GPR63: variants seen among roughly 807,000 people sequenced by gnomAD.
The protein encoded by GPR63 is G protein-coupled receptor 63, also known as probable G protein-coupled receptor 63.
In GPR63, 12 loss-of-function variants were observed where a neutral mutation model predicts 23.1. The observed-to-expected ratio is 0.52, with a 90% confidence interval of 0.33 to 0.84. GPR63 has a LOEUF of 0.84. Ranked by LOEUF, GPR63 falls within the 40% of genes least tolerant of loss-of-function variation. The pLI, the probability that GPR63 is intolerant of heterozygous loss-of-function variation, is 0.02. For missense variants in GPR63, 472 were observed against 515.6 expected (o/e 0.92, Z 0.82); for synonymous variants, 172 against 191.1 (o/e 0.90, Z 0.82).
chr6:96,825,796 CTTTTTTT>C (rs929565134), intron 1 of GPR63, among the ~76,000 whole-genome samples: 1 of 150,952 alleles, frequency 6.6e-6, no homozygotes, highest in South Asian at 2.1e-4. Context: ...TTACCTTAGT[CTTTTTTT>C]TTATTTATTC....
intron 1 of GPR63, among the ~76,000 whole-genome samples, chr6:96,831,445 A>C (rs1471579679): frequency 6.6e-6 from 1 of 152,190 alleles, no homozygotes; most frequent in Non-Finnish European, 1.5e-5. Flanking sequence ...AAAAAAAAAA[A>C]AAACTGTAGA....
At chr6:96,818,522 A>C (rs1010989501) in intron 1 of GPR63, among the ~76,000 whole-genome samples, 4 of 152,214 alleles carry the variant, frequency 2.6e-5, no homozygotes, top group Non-Finnish European at 5.9e-5. Flanking sequence ...CCTAAGGTTT[A>C]CATTTAAAAA....
chr6:96,819,759 G>C (rs1335694211), intron 1 of GPR63, among the ~76,000 whole-genome samples: 1 of 149,538 alleles, frequency 6.7e-6, no homozygotes, highest in East Asian at 2.0e-4. Flanking sequence ...AAAACGGGTA[G>C]ATCACGAGGT....
At chr6:96,825,712 T>C (rs1319267744) in intron 1 of GPR63, among the ~76,000 whole-genome samples, 1 of 152,016 alleles carries the variant, frequency 6.6e-6, no homozygotes, top group Non-Finnish European at 1.5e-5. Flanking sequence ...AGCTTAATTT[T>C]ATGACATGGA....
chr6:96,803,587 A>G (rs1773825242), intron 1 of GPR63, among the ~76,000 whole-genome samples: 1 of 152,192 alleles, frequency 6.6e-6, no homozygotes, highest in Admixed American at 6.6e-5. Flanking sequence ...GCTCATTGGA[A>G]TGTAAATATT....
chr6:96,836,777 T>C lies in GPR63; in HGVS notation c.-151+491A>G, dbSNP rs368456104. 3.0e-4 allele frequency among the ~76,000 whole-genome samples: 45 copies of C among 152,190 alleles called. No homozygotes were observed. In the East Asian group the frequency reaches 8.2e-3, roughly 28 times the overall value. On this transcript the variant is annotated intron_variant, in intron 1 of 1. Coordinates refer to ENST00000229955, the MANE Select transcript of GPR63 (RefSeq NM_030784.4). ...TGGAAGAGGGAACCTCTCTTAACTG[T>C]TGGAGCGCGAAAGGACCTTTCGCTC...
intron 1 of GPR63, among the ~76,000 whole-genome samples, chr6:96,815,587 C>T (rs1323531544): frequency 6.6e-6 from 1 of 152,124 alleles, no homozygotes; most frequent in African/African-American, 2.4e-5. Flanking sequence ...CTTACAAGAA[C>T]ACACACATAC....
intron 1 of GPR63, among the ~76,000 whole-genome samples, chr6:96,811,380 T>C (rs1162583973): frequency 6.6e-6 from 1 of 152,146 alleles, no homozygotes; most frequent in Non-Finnish European, 1.5e-5. Flanking sequence ...TACTCAAGGG[T>C]GTCTGCTTTT....
intron 1 of GPR63, among the ~76,000 whole-genome samples, chr6:96,819,908 G>A (rs150855303): frequency 5.5e-5 from 8 of 145,986 alleles, no homozygotes; most frequent in African/African-American, 1.8e-4. Flanking sequence ...CCCGGGAGGC[G>A]GAGCTTGCAG....
intron 1 of GPR63, among the ~76,000 whole-genome samples, chr6:96,802,848 A>G (rs953554047): frequency 3.3e-5 from 5 of 152,146 alleles, no homozygotes; most frequent in African/African-American, 4.8e-5. Flanking sequence ...TTTATTCTCA[A>G]TACTTCCAGG....
chr6:96,819,901 G>A (rs1375455861), intron 1 of GPR63, among the ~76,000 whole-genome samples: 3 of 149,434 alleles, frequency 2.0e-5, no homozygotes, highest in Admixed American at 1.3e-4. Context: ...GCGTCGACCC[G>A]GGAGGCGGAG....
At chr6:96,810,544 A>G (rs956717210) in intron 1 of GPR63, among the ~76,000 whole-genome samples, 2 of 152,108 alleles carry the variant, frequency 1.3e-5, no homozygotes, top group African/African-American at 4.8e-5. Flanking sequence ...TGATACATAC[A>G]TACTAGGAAT....
At chr6:96,815,856 A>G (rs968821713) in intron 1 of GPR63, among the ~76,000 whole-genome samples, 1 of 152,218 alleles carries the variant, frequency 6.6e-6, no homozygotes, top group Non-Finnish European at 1.5e-5. Flanking sequence ...CACTGAACAC[A>G]GCGTGACATA....
Position 96,799,541 on chromosome 6 carries a change from G to A in GPR63, c.191C>T (p.Thr64Ile). 1 of 1,614,148 alleles carries A rather than the reference G, an allele frequency of 6.2e-7. No individual in the cohort carries two copies. Among genetic ancestry groups the A allele is most frequent in the East Asian group, 2.2e-5 (1 of 44,878 alleles). The change falls in exon 2 of 2, where the codon ACA becomes ATA. Residue 64 changes from threonine (T) to isoleucine (I), a missense_variant. By Grantham distance (89) the Thr-to-Ile change is moderately conservative (BLOSUM62 -1). Transcript: ENST00000229955. Reference protein sequence around the residue: ...TGLSSLTVNSTAVPTTPAAFK... With the variant: ...TGLSSLTVNSIAVPTTPAAFK... ...TGCTGCTGGTGTTGTGGGCACAGCTGTACTATTCACGGTCAAGGAACTCAA... is the reference window on the plus strand; with the variant it reads ...TGCTGCTGGTGTTGTGGGCACAGCTATACTATTCACGGTCAAGGAACTCAA...
At chr6:96,805,632 A>C (rs1254130869) in intron 1 of GPR63, among the ~76,000 whole-genome samples, 1 of 152,218 alleles carries the variant, frequency 6.6e-6, no homozygotes, top group African/African-American at 2.4e-5. Context: ...TGAAATGCTG[A>C]GTTAGAACAG....
intron 1 of GPR63, among the ~76,000 whole-genome samples, chr6:96,824,678 G>T (rs1223597667): frequency 7.3e-5 from 11 of 150,644 alleles, no homozygotes; most frequent in Non-Finnish European, 1.5e-4. Context: ...TAAAATGGCT[G>T]TGTTCTTAAC....
chr6:96,799,902 C>CA, intron 1 of GPR63, 21 bp from the exon 2 acceptor site: 1 of 650,954 alleles, frequency 1.5e-6, no homozygotes, highest in Non-Finnish European at 2.7e-6. Flanking sequence ...AACCAAAACA[C>CA]AAAAAGTAAA....
rs562006921 is a variant in GPR63 at position 96,794,375 on chromosome 6, T to A, written c.*4097A>T. On this transcript the variant is annotated 3_prime_UTR_variant, in exon 2 of 2. Coordinates refer to ENST00000229955, the MANE Select transcript of GPR63 (RefSeq NM_030784.4). ...CAAACTTGTGCTTTGATATTTTTTA[T>A]CATAAAAACTGAGTTTTCAATGAAG... is the stretch of plus-strand genomic sequence containing the variant. The A allele has an allele frequency of 2.8e-4, 42 of 152,282 alleles. No individual in the cohort carries two copies. The highest frequency in any genetic ancestry group is 9.9e-4 in the African/African-American group (41 of 41,580). The allele number at this position is 152,282 out of a possible 1,614,324, so 9.4% of individuals were successfully genotyped here. A position where few individuals can be genotyped will look rare whatever the true frequency, so the allele number is the denominator to read the frequency against.
At position 96,799,671 on chromosome 6, in the gene GPR63, C is replaced by T. The variant is rs35358396; in HGVS notation, c.61G>A (p.Val21Met). The T allele has an allele frequency of 0.037, 59,229 of 1,613,992 alleles. 1,253 individuals are homozygous for T. Among genetic ancestry groups the T allele is most frequent in the Middle Eastern group, 0.048 (294 of 6,062 alleles). ...ATATTCATGTAGGTGTTTTCATACA[C>T]GACAAATGTTGTGTTGGATGTCCCG... is the stretch of plus-strand genomic sequence containing the variant. ...HTGTSNTTFVVYENTYMNITL... is the reference protein window; with the variant it reads ...HTGTSNTTFVMYENTYMNITL... Residue 21 changes from valine (V) to methionine (M), a missense_variant, in exon 2 of 2, where the codon GTG (valine) becomes ATG (methionine). Val to Met is a conservative substitution (Grantham distance 21). Transcript: ENST00000229955.
Sources: allele counts gnomAD v4.1 joint callset (sites outside exome capture counted in the v4.1 genomes callset), GRCh38; gene constraint gnomAD v4.1.1; transcripts MANE v1.5; gene names NCBI Gene and HGNC (gene_info 2026-07-23, HGNC 2026-07-21).